SRD5A2: variants seen among roughly 807,000 people sequenced by gnomAD.
SRD5A2 encodes the protein steroid 5 alpha-reductase 2.
In SRD5A2, 30 loss-of-function variants were observed where a neutral mutation model predicts 27.4. That is an observed-to-expected ratio of 1.10 (90% CI 0.82 to 1.49). SRD5A2 has a LOEUF of 1.49. Ranked by LOEUF, SRD5A2 falls within the 40% of genes most tolerant of loss-of-function variation. SRD5A2 has a pLI of 0.00. For missense variants in SRD5A2, 348 were observed against 323.4 expected, an observed-to-expected ratio of 1.08 and a Z score of -0.58; for synonymous variants, 141 against 133.6, an observed-to-expected ratio of 1.06 and a Z score of -0.38.
chr2:31,523,708 T>C lies in SRD5A2; in HGVS notation c.*2488A>G, dbSNP rs1371484314. On this transcript the variant is annotated 3_prime_UTR_variant, in exon 5 of 5. Transcript: ENST00000622030. ...TTAGATTATTTTAGCCAAAAAACAG[T>C]CCATGGAAACCTCAATTAACTATAA... is the stretch of plus-strand genomic sequence containing the variant. 1 of 221,268 alleles carries C rather than the reference T, an allele frequency of 4.5e-6. No individual in the cohort carries two copies. Among genetic ancestry groups the C allele is most frequent in the African/African-American group, 2.2e-5 (1 of 44,674 alleles). 13.7% of individuals were successfully genotyped at this position (221,268 alleles called of 1,614,324 possible).
chr2:31,622,775 ACTT>A, the SRD5A2 span, among the ~76,000 whole-genome samples: 2 of 152,218 alleles, frequency 1.3e-5, no homozygotes, highest in East Asian at 1.9e-4. Context: ...GTGCTGTGGC[ACTT>A]CTTCTCAGTC....
the SRD5A2 span, among the ~76,000 whole-genome samples, chr2:31,601,172 ACTAG>A: frequency 6.6e-6 from 1 of 151,886 alleles, no homozygotes; most frequent in South Asian, 2.1e-4. Context: ...TAAATAGGTC[ACTAG>A]CTAACCTAAT....
chr2:31,550,843 AC>A (rs532748058), intron 1 of SRD5A2, among the ~76,000 whole-genome samples: 163 of 152,110 alleles, frequency 1.1e-3, no homozygotes, highest in African/African-American at 3.8e-3. Flanking sequence ...CATTCTTACT[AC>A]TTTTATTCAA....
At chr2:31,656,223 A>G in the SRD5A2 span, among the ~76,000 whole-genome samples, 1 of 152,190 alleles carries the variant, frequency 6.6e-6, no homozygotes, top group Non-Finnish European at 1.5e-5. Context: ...AGTTTTGCAT[A>G]CTGGGGATGG....
the SRD5A2 span, among the ~76,000 whole-genome samples, chr2:31,624,336 GT>G: frequency 2.0e-5 from 3 of 151,110 alleles, no homozygotes; most frequent in Admixed American, 6.6e-5. Context: ...CATCCTTTCT[GT>G]TTTTTTAACT....
chr2:31,625,695 C>A, the SRD5A2 span, among the ~76,000 whole-genome samples: 3 of 151,984 alleles, frequency 2.0e-5, no homozygotes, highest in Non-Finnish European at 4.4e-5. Context: ...ATTTCTGAGG[C>A]CTCTGTTCTG....
the SRD5A2 span, among the ~76,000 whole-genome samples, chr2:31,606,700 A>G: frequency 4.6e-5 from 7 of 151,956 alleles, no homozygotes; most frequent in Admixed American, 1.3e-4. Context: ...CCTTTGCAAA[A>G]GTCAGGCTGA....
intron 1 of SRD5A2, among the ~76,000 whole-genome samples, chr2:31,550,620 A>T (rs1204847020): frequency 1.3e-5 from 2 of 151,946 alleles, no homozygotes; most frequent in Non-Finnish European, 2.9e-5. Context: ...CACCTTATTA[A>T]CAGAATAAAA....
the SRD5A2 span, among the ~76,000 whole-genome samples, chr2:31,657,610 G>A: frequency 6.6e-5 from 10 of 152,056 alleles, no homozygotes; most frequent in East Asian, 1.9e-4. Context: ...ACCACAACCC[G>A]AATAATAAAA....
intron 1 of SRD5A2, among the ~76,000 whole-genome samples, chr2:31,561,385 A>T (rs1032213476): frequency 2.0e-5 from 3 of 152,170 alleles, no homozygotes; most frequent in Non-Finnish European, 4.4e-5. Flanking sequence ...ACTTCTTCCC[A>T]TCTTACTCTG....
the SRD5A2 span, among the ~76,000 whole-genome samples, chr2:31,645,839 C>T: frequency 2.0e-4 from 30 of 152,120 alleles, no homozygotes; most frequent in East Asian, 5.8e-4. Flanking sequence ...TGTGTGTGTA[C>T]GTGTGTGTGG....
chr2:31,531,324 A>G, intron 3 of SRD5A2, 47 bp downstream of exon 3: 2 of 1,354,770 alleles, frequency 1.5e-6, no homozygotes, highest in Non-Finnish European at 2.1e-6. Context: ...CATCCCTGGG[A>G]CAGGCTCCAG....
At chr2:31,568,830 G>A (rs992707485) in intron 1 of SRD5A2, among the ~76,000 whole-genome samples, 1 of 152,242 alleles carries the variant, frequency 6.6e-6, no homozygotes, top group Non-Finnish European at 1.5e-5. Context: ...AGCACCCAAA[G>A]TCTGGAGGGG....
At chr2:31,533,012 T>G (rs929407610) in intron 2 of SRD5A2, among the ~76,000 whole-genome samples, 12 of 152,170 alleles carry the variant, frequency 7.9e-5, no homozygotes, top group Admixed American at 2.0e-4. Flanking sequence ...AGGACAGTTT[T>G]GGATGTGGCC....
intron 1 of SRD5A2, among the ~76,000 whole-genome samples, chr2:31,541,499 GAA>G: frequency 6.6e-6 from 1 of 152,270 alleles, no homozygotes; most frequent in South Asian, 2.1e-4. Flanking sequence ...TTAAGAACTG[GAA>G]AAGAGGGAGG....
the SRD5A2 span, among the ~76,000 whole-genome samples, chr2:31,611,845 A>G: frequency 6.6e-6 from 1 of 152,218 alleles, no homozygotes; most frequent in Non-Finnish European, 1.5e-5. Context: ...TTCCAAAAAA[A>G]GACTTGTACG....
At chr2:31,594,127 CA>C in the SRD5A2 span, among the ~76,000 whole-genome samples, 1 of 152,034 alleles carries the variant, frequency 6.6e-6, no homozygotes, top group Non-Finnish European at 1.5e-5. Flanking sequence ...CCTATAAAAT[CA>C]TGACACAATG....
the SRD5A2 span, among the ~76,000 whole-genome samples, chr2:31,632,109 TA>T: frequency 9.6e-5 from 14 of 145,550 alleles, no homozygotes; most frequent in South Asian, 8.8e-4. Flanking sequence ...CTGCAGACAT[TA>T]AAAAAAAAAA....
chr2:31,641,621 A>T, the SRD5A2 span, among the ~76,000 whole-genome samples: 1 of 152,176 alleles, frequency 6.6e-6, no homozygotes, highest in South Asian at 2.1e-4. Context: ...ATAGATTATG[A>T]ACACGTGGTA....
Sources: gnomAD v4.1 joint callset for allele counts (sites outside exome capture counted in the v4.1 genomes callset) on GRCh38, gnomAD v4.1.1 for gene constraint, MANE v1.5 for transcripts, NCBI Gene and HGNC (gene_info 2026-07-23, HGNC 2026-07-21) for gene names.